The following PRKCE variants were observed in gnomAD, a reference collection of about 807,000 sequenced individuals.
PRKCE encodes protein kinase C epsilon.
In PRKCE, 16 loss-of-function variants were observed where a neutral mutation model predicts 85.4. The observed-to-expected ratio is 0.19, with a 90% CI of 0.13 to 0.28. The LOEUF is 0.28. PRKCE is among the 10% of genes least tolerant of loss of function. The pLI, the probability that PRKCE is intolerant of heterozygous loss-of-function variation, is 1.00. For synonymous variants in PRKCE, 388 were observed against 371.5 expected (o/e 1.04, Z -0.51); for missense variants, 573 against 975.2 (o/e 0.59, Z 5.49).
intron 14 of PRKCE, among the ~76,000 whole-genome samples, chr2:46,161,938 G>A (rs999310404): frequency 1.3e-5 from 2 of 152,152 alleles, no homozygotes; most frequent in African/African-American, 4.8e-5. Context: ...GGAAGGGTAT[G>A]AAGAACAGGG....
chr2:46,015,430 G>T lies in PRKCE; in HGVS notation c.1437+4913G>T, dbSNP rs150700688. 4.3e-3 allele frequency among the ~76,000 whole-genome samples: 652 copies of T among 152,194 alleles called. 5 individuals are homozygous for T. The highest frequency in any genetic ancestry group is 0.015 in the African/African-American group (625 of 41,532). ...CCCCACCCTTTGGCATTTCCTGCCAGGCCTGGGAAGCCAAATTCTGGAGGG... is the reference window on the plus strand; with the variant it reads ...CCCCACCCTTTGGCATTTCCTGCCATGCCTGGGAAGCCAAATTCTGGAGGG... On this transcript the variant is annotated intron_variant, in intron 10 of 14. Coordinates refer to ENST00000306156, the MANE Select transcript of PRKCE (RefSeq NM_005400.3).
intron 14 of PRKCE, among the ~76,000 whole-genome samples, chr2:46,174,285 C>G (rs1047580329): frequency 6.6e-6 from 1 of 152,232 alleles, no homozygotes; most frequent in Non-Finnish European, 1.5e-5. Context: ...CCCATTTTAA[C>G]TGCCATCTGT....
intron 1 of PRKCE, among the ~76,000 whole-genome samples, chr2:45,830,584 A>T (rs1013329373): frequency 2.6e-5 from 4 of 152,242 alleles, no homozygotes; most frequent in African/African-American, 9.6e-5. Context: ...GCCCATGACA[A>T]AGAACAAATA....
chr2:46,128,221 A>C (rs959467438), intron 11 of PRKCE, among the ~76,000 whole-genome samples: 1 of 151,820 alleles, frequency 6.6e-6, no homozygotes, highest in South Asian at 2.1e-4. Flanking sequence ...TAATGTCATC[A>C]GTCAACAAAA....
At chr2:45,970,925 A>G (rs1257030409) in intron 2 of PRKCE, among the ~76,000 whole-genome samples, 1 of 150,754 alleles carries the variant, frequency 6.6e-6, no homozygotes, top group Non-Finnish European at 1.5e-5. Context: ...ATATATACAT[A>G]CACATATACA....
In PRKCE at chr2:45,949,708, T is replaced by G. The variant is rs1044967708; in HGVS notation, c.413-26721T>G. On this transcript the variant is annotated intron_variant, in intron 2 of 14. Transcript: ENST00000306156. ...TTGCACTGGGTCTAACAGTTTTTTC[T>G]CCCCCAGTTTGACAACCATGGACCT... 4.6e-5 allele frequency among the ~76,000 whole-genome samples: 7 copies of G among 152,204 alleles called. No individual in the cohort carries two copies. In the East Asian group the frequency reaches 1.2e-3, roughly 25 times the overall value.
chr2:45,807,248 T>C (rs1688314804), intron 1 of PRKCE, among the ~76,000 whole-genome samples: 1 of 152,256 alleles, frequency 6.6e-6, no homozygotes, highest in East Asian at 1.9e-4. Flanking sequence ...GTGTGAAGCA[T>C]AGTGCCTAGC....
At chr2:45,862,063 C>T (rs554006701) in intron 2 of PRKCE, among the ~76,000 whole-genome samples, 93 of 152,132 alleles carry the variant, frequency 6.1e-4, no homozygotes, top group African/African-American at 2.2e-3. Context: ...ATGCTCCCCA[C>T]GTAGCCTTTT....
intron 1 of PRKCE, among the ~76,000 whole-genome samples, chr2:45,674,440 G>A (rs1006289086): frequency 1.3e-5 from 2 of 152,196 alleles, no homozygotes; most frequent in African/African-American, 4.8e-5. Context: ...GTCAAACCAG[G>A]TACTAACTGG....
At chr2:45,901,415 C>G (rs981396022) in intron 2 of PRKCE, among the ~76,000 whole-genome samples, 1 of 152,206 alleles carries the variant, frequency 6.6e-6, no homozygotes, top group South Asian at 2.1e-4. Flanking sequence ...TTTTTAGGAA[C>G]TAGATCCAAT....
At chr2:45,885,610 G>A (rs894307693) in intron 2 of PRKCE, among the ~76,000 whole-genome samples, 1 of 152,178 alleles carries the variant, frequency 6.6e-6, no homozygotes, top group Admixed American at 6.5e-5. Flanking sequence ...TGGCCATTTG[G>A]GCAGTGCATA....
intron 10 of PRKCE, chr2:46,077,948 A>C (rs1668704299): frequency 6.6e-6 from 1 of 152,136 alleles, no homozygotes; most frequent in Non-Finnish European, 1.5e-5. Context: ...CATTTATTCT[A>C]ATGATGGTTG....
chr2:45,814,956 G>A (rs1688925056), intron 1 of PRKCE, among the ~76,000 whole-genome samples: 1 of 152,174 alleles, frequency 6.6e-6, no homozygotes, highest in Non-Finnish European at 1.5e-5. Context: ...TGGTTTGGGT[G>A]TTCTCTAAGT....
chr2:46,157,248 C>T (rs1377338363), intron 13 of PRKCE, among the ~76,000 whole-genome samples: 3 of 152,180 alleles, frequency 2.0e-5, no homozygotes, highest in Admixed American at 1.3e-4. Context: ...CACCCGAGTC[C>T]ACCAGAACAC....
At chr2:45,814,953 G>A (rs866426755) in intron 1 of PRKCE, among the ~76,000 whole-genome samples, 8 of 152,118 alleles carry the variant, frequency 5.3e-5, no homozygotes, top group African/African-American at 1.9e-4. Flanking sequence ...TGTTGGTTTG[G>A]GTGTTCTCTA....
Position 46,094,500 on chromosome 2 carries a change from C to T in PRKCE, c.1592+8138C>T, listed in dbSNP as rs1017559792. 2.0e-5 allele frequency among the ~76,000 whole-genome samples: 3 copies of T among 152,200 alleles called. No individual in the cohort carries two copies. The East Asian group carries it at 5.8e-4, about 29-fold the overall frequency. ...CAGGGACATAGGTGGAGCTGGAAGC[C>T]GTTATCCTCAGCAAACTAACACAGG... On this transcript the variant is annotated intron_variant, in intron 11 of 14. Transcript: ENST00000306156.
chr2:46,168,547 G>A (rs1202112465), intron 14 of PRKCE, among the ~76,000 whole-genome samples: 2 of 152,226 alleles, frequency 1.3e-5, no homozygotes, highest in Non-Finnish European at 2.9e-5. Flanking sequence ...TGAGCCCTCT[G>A]TGAAGCCCTG....
chr2:46,123,214 CTTTTTT>C (rs70937991), intron 11 of PRKCE, among the ~76,000 whole-genome samples: 10 of 27,372 alleles, frequency 3.7e-4, no homozygotes, highest in Admixed American at 6.8e-4. Flanking sequence ...AAACACTTGC[CTTTTTT>C]TTTTTTTTTT....
Position 45,651,944 on chromosome 2 carries a change from C to G in PRKCE, c.-157C>G, listed in dbSNP as rs1558526980. 1.2e-5 allele frequency: 7 copies of G among 594,086 alleles called. No homozygotes were observed. Among genetic ancestry groups the G allele is most frequent in the Non-Finnish European group, 2.0e-5 (7 of 344,856 alleles). The allele number at this position is 594,086 out of a possible 1,614,324, so 36.8% of individuals were successfully genotyped here. On this transcript the variant is annotated 5_prime_UTR_variant, in exon 1 of 15. Coordinates refer to ENST00000306156, the MANE Select transcript of PRKCE (RefSeq NM_005400.3). ...ATACATGCACTGGCTGAGAATCGCC[C>G]GCGCCAGGGCGCAACGCCACAAGGT...
Sources: gnomAD v4.1 joint callset for allele counts (sites outside exome capture counted in the v4.1 genomes callset) on GRCh38, gnomAD v4.1.1 for gene constraint, MANE v1.5 for transcripts, NCBI Gene and HGNC (gene_info 2026-07-23, HGNC 2026-07-21) for gene names.